The following LRP1 variants were observed in gnomAD, a reference collection of about 807,000 sequenced individuals.
LRP1 encodes the protein prolow-density lipoprotein receptor-related protein 1.
A neutral mutation model predicts 541.5 loss-of-function variants in LRP1; 51 were observed. That is an observed-to-expected ratio of 0.09 (90% confidence interval 0.08 to 0.12). The LOEUF is 0.12. LRP1 is among the 10% of genes least tolerant of loss of function. The pLI is 1.00. For synonymous variants in LRP1, 2,219 were observed against 2,470.8 expected (o/e 0.90, Z 3.02); for missense variants, 3,878 against 6,376.2 (o/e 0.61, Z 13.34).
At chr12:57,144,329 T>A (rs1027849686) in intron 4 of LRP1, among the ~76,000 whole-genome samples, 7 of 152,260 alleles carry the variant, frequency 4.6e-5, no homozygotes, top group Admixed American at 6.5e-5. Context: ...TATGTAAAGA[T>A]CTACATCATT....
intron 20 of LRP1, among the ~76,000 whole-genome samples, chr12:57,172,113 A>C (rs1382705011): frequency 7.0e-6 from 1 of 143,452 alleles, no homozygotes; most frequent in African/African-American, 2.6e-5. Flanking sequence ...AGGCTGGAGT[A>C]CAGTGGCGTG....
Position 57,187,418 on chromosome 12 carries a change from T to C in LRP1, c.6993T>C (p.Asp2331=). The change falls in exon 42 of 89, where the codon GAT becomes GAC. Residue 2331 remains aspartate, a synonymous_variant. Coordinates refer to ENST00000243077, the MANE Select transcript of LRP1 (RefSeq NM_002332.3). ...ERETVITMSG[D]DHPRAFVLDE... is the part of the protein sequence containing the mutation. ...AGACCGTCATCACTATGTCTGGAGA[T>C]GACCACCCACGGGCCTTCGTTTTGG... The C allele has an allele frequency of 6.2e-7, 1 of 1,614,048 alleles. No individual in the cohort carries two copies. Among genetic ancestry groups the C allele is most frequent in the Non-Finnish European group, 8.5e-7 (1 of 1,179,978 alleles).
Position 57,173,670 on chromosome 12 carries a change from C to G in LRP1, c.3347-110C>G. On this transcript the variant is annotated intron_variant, in intron 21 of 88. Coordinates refer to ENST00000243077, the MANE Select transcript of LRP1 (RefSeq NM_002332.3). This position sits in a 1 kb window ranked among gnomAD's most constrained non-coding sequence, Gnocchi z 4.7. ...AAGCCTCGGGGTTCCTCGTGGACCC[C>G]ACAGCGTTGCAATCCTGACCCTATT... 8.5e-7 allele frequency: 1 copy of G among 1,181,618 alleles called. No homozygotes were observed. The highest frequency in any genetic ancestry group is 1.2e-6 in the Non-Finnish European group (1 of 803,394). 73.2% of individuals were successfully genotyped at this position (1,181,618 alleles called of 1,614,324 possible).
intron 17 of LRP1, 99 bp downstream of exon 17, chr12:57,166,308 A>T (rs1330034886): frequency 6.9e-7 from 1 of 1,440,946 alleles, no homozygotes; most frequent in South Asian, 1.4e-5. Flanking sequence ...TAATCTCAGC[A>T]CTTTGGGAGG....
Position 57,156,971 on chromosome 12 carries a change from T to G in LRP1, c.1561+51T>G, listed in dbSNP as rs1346613902. 1.3e-6 allele frequency: 2 copies of G among 1,501,250 alleles called. No individual in the cohort carries two copies. The highest frequency in any genetic ancestry group is 4.6e-5 in the East Asian group (2 of 43,078). The allele number at this position is 1,501,250 out of a possible 1,614,324, so 93.0% of individuals were successfully genotyped here. A position where few individuals can be genotyped will look rare whatever the true frequency, so the allele number is the denominator to read the frequency against. ...GCCCATTGGGAGGCTGCGGGAGGGT[T>G]CCTCAGGTGTCCCCCACAGCCCGGC... On this transcript the variant is annotated intron_variant, in intron 10 of 88. Transcript: ENST00000243077. The surrounding 1 kb of genome is among the most constrained non-coding windows in gnomAD (Gnocchi z 5.2).
rs1266069297 is a variant in LRP1, at chr12:57,195,716, C to T, written c.8496C>T (p.Pro2832=). 6.2e-7 allele frequency: 1 copy of T among 1,614,190 alleles called. No individual in the cohort carries two copies. Among genetic ancestry groups the T allele is most frequent in the Non-Finnish European group, 8.5e-7 (1 of 1,180,024 alleles). The change falls in exon 53 of 89, where the codon CCC becomes CCT. Residue 2832 remains proline (P), a synonymous_variant. Transcript: ENST00000243077. ...EFMCQNRQCI[P]KHFVCDHDRD... ...TGTGCCAGAACCGCCAGTGCATCCC[C>T]AAGCACTTCGTGTGTGACCACGACC...
chr12:57,160,298 G>C (rs1239850818), intron 12 of LRP1, among the ~76,000 whole-genome samples: 1 of 152,126 alleles, frequency 6.6e-6, no homozygotes, highest in African/African-American at 2.4e-5. Context: ...CACAGTGTCT[G>C]CCTGGCCCTT....
Position 57,154,699 on chromosome 12 carries a change from C to A in LRP1, c.1225C>A (p.Leu409Met), listed in dbSNP as rs1259388182. The change falls in exon 8 of 89, where the codon CTG (leucine) becomes ATG (methionine). Residue 409 changes from leucine to methionine, a missense_variant and splice_region_variant. This residue lies in a region of LRP1 where 496 missense variants were observed against 861.0 expected (regional missense o/e 0.58). Transcript: ENST00000243077. This position sits in a 1 kb window ranked among gnomAD's most constrained non-coding sequence, Gnocchi z 4.6. ...CCGCCAGACCATCATCCAGGGCATC[C>A]TGGTGAGGGAGCTACTGTCTGAGGT... Reference protein sequence around the residue: ...KGRQTIIQGILIEHLYGLTVF... With the variant: ...KGRQTIIQGIMIEHLYGLTVF... The A allele has an allele frequency of 1.3e-6, 2 of 1,556,736 alleles. No homozygotes were observed. Among genetic ancestry groups the A allele is most frequent in the East Asian group, 2.4e-5 (1 of 41,244 alleles).
At position 57,191,398 on chromosome 12, in the gene LRP1, C is replaced by T; in HGVS notation, c.7315C>T (p.Arg2439Trp). 2 of 1,613,280 alleles carry T rather than the reference C, an allele frequency of 1.2e-6. No individual in the cohort carries two copies. Among genetic ancestry groups the T allele is most frequent in the Non-Finnish European group, 1.7e-6 (2 of 1,179,442 alleles). ...GCACATTTTCTGGACTGACTGGGTGCGGCGGGCAGTGCAGCGGGCCAACAA... is the reference window on the plus strand; with the variant it reads ...GCACATTTTCTGGACTGACTGGGTGTGGCGGGCAGTGCAGCGGGCCAACAA... ...GEHIFWTDWV[R>W]RAVQRANKHV... Residue 2439 changes from arginine to tryptophan, a missense_variant, in exon 44 of 89, where the codon CGG becomes TGG. By Grantham distance (101) the Arg-to-Trp change is moderately radical. This residue lies in a region of LRP1 where 1,100 missense variants were observed against 1,827.4 expected (regional missense o/e 0.60). Transcript: ENST00000243077.
At chr12:57,132,502 C>T (rs1172072735) in intron 1 of LRP1, among the ~76,000 whole-genome samples, 1 of 152,164 alleles carries the variant, frequency 6.6e-6, no homozygotes, top group Non-Finnish European at 1.5e-5. Flanking sequence ...GATCTTGCTC[C>T]CACCCTACTC....
rs1317804159 is a variant in LRP1 at position 57,206,070 on chromosome 12, C to A, written c.11590+393C>A. On this transcript the variant is annotated intron_variant, in intron 75 of 88. Transcript: ENST00000243077. The surrounding 1 kb of genome is among the most constrained non-coding windows in gnomAD (Gnocchi z 4.7). ...TTCACACACACCCCTGGCACACACA[C>A]CCCCACCATGCACTCCCATGCACAC... Among the ~76,000 whole-genome samples the A allele has an allele frequency of 2.0e-5, 3 of 152,202 alleles. No homozygotes were observed. The highest frequency in any genetic ancestry group is 4.4e-5 in the Non-Finnish European group (3 of 68,022).
Position 57,187,291 on chromosome 12 carries a change from C to T in LRP1, c.6866C>T (p.Ala2289Val). The change falls in exon 42 of 89, where the codon GCC becomes GTC. Residue 2289 changes from alanine to valine, a missense_variant. This residue lies in a region of LRP1 where 1,100 missense variants were observed against 1,827.4 expected (regional missense o/e 0.60). Transcript: ENST00000243077. ...VENVGSVEGL[A>V]YHRGWDTLYW... The stretch of plus-strand genomic sequence containing the variant: ...GACGTGGGCTCCGTGGAAGGCCTGG[C>T]CTATCACCGTGGCTGGGACACTCTC... 1.2e-6 allele frequency: 2 copies of T among 1,613,818 alleles called. No individual in the cohort carries two copies. The highest frequency in any genetic ancestry group is 1.7e-6 in the Non-Finnish European group (2 of 1,179,816).
At chr12:57,209,541 C>T in intron 79 of LRP1, 151 bp from the exon 80 acceptor site, 1 of 663,840 alleles carries the variant, frequency 1.5e-6, no homozygotes, top group Non-Finnish European at 2.6e-6. Flanking sequence ...CAGTAGTGGC[C>T]ACAGGAGGAG....
In LRP1 at chr12:57,162,971, G is replaced by A. The variant is rs751695030; in HGVS notation, c.2518G>A (p.Val840Ile). 1.2e-6 allele frequency: 2 copies of A among 1,602,630 alleles called. No individual in the cohort carries two copies. The highest frequency in any genetic ancestry group is 1.1e-5 in the South Asian group (1 of 89,522). ...GGACCAGGTGTTGGACGCAGACGGCGTCACTTGCTTGGGTATGAGGTGCCT... is the reference window on the plus strand; with the variant it reads ...GGACCAGGTGTTGGACGCAGACGGCATCACTTGCTTGGGTATGAGGTGCCT... The part of the protein sequence containing the change: ...AEDQVLDADG[V>I]TCLANPSYVP... Residue 840 changes from valine (V) to isoleucine (I), a missense_variant, in exon 15 of 89, where the codon GTC becomes ATC. By Grantham distance (29) the Val-to-Ile change is conservative. Transcript: ENST00000243077. The surrounding 1 kb of genome is among the most constrained non-coding windows in gnomAD (Gnocchi z 5.2).
chr12:57,210,473 C>A lies in LRP1; in HGVS notation c.12747C>A (p.Ser4249=). 6.6e-7 allele frequency: 1 copy of A among 1,526,342 alleles called. No homozygotes were observed. Among genetic ancestry groups the A allele is most frequent in the Non-Finnish European group, 8.8e-7 (1 of 1,134,452 alleles). The allele number at this position is 1,526,342 out of a possible 1,614,324, so 94.5% of individuals were successfully genotyped here. The change falls in exon 82 of 89, where the codon TCC becomes TCA. Residue 4249 remains serine (S), a synonymous_variant. Coordinates refer to ENST00000243077, the MANE Select transcript of LRP1 (RefSeq NM_002332.3). ...HCRNGGTCAA[S]PSGMPTCRCP... ...GCAATGGGGGCACCTGTGCTGCCTCCCCCTCTGGTATGCCCCCTCATCCCG... is the reference window on the plus strand; with the variant it reads ...GCAATGGGGGCACCTGTGCTGCCTCACCCTCTGGTATGCCCCCTCATCCCG...
intron 5 of LRP1, 36 bp from the exon 6 acceptor site, chr12:57,145,191 C>T (rs765211154): frequency 1.6e-5 from 26 of 1,613,586 alleles, no homozygotes; most frequent in Non-Finnish European, 1.9e-5. Context: ...GTCCTAGAGC[C>T]CTGGCTGCAC....
chr12:57,205,186 T>C lies in LRP1; in HGVS notation c.11272T>C (p.Ser3758Pro), dbSNP rs2036744890. 1 of 1,613,886 alleles carries C rather than the reference T, an allele frequency of 6.2e-7. No individual in the cohort carries two copies. Among genetic ancestry groups the C allele is most frequent in the Non-Finnish European group, 8.5e-7 (1 of 1,179,982 alleles). The change falls in exon 73 of 89, where the codon TCC (serine) becomes CCC (proline). Residue 3758 changes from serine to proline, a missense_variant. Around this residue, in one of 13 missense-constraint regions of LRP1, gnomAD observed 871 missense variants for 1,212.4 expected, o/e 0.72. Coordinates refer to ENST00000243077, the MANE Select transcript of LRP1 (RefSeq NM_002332.3). The surrounding 1 kb of genome is among the most constrained non-coding windows in gnomAD (Gnocchi z 4.6). ...LCRNQRCLSS[S>P]LRCNMFDDCG... is the part of the protein sequence containing the mutation. ...CCGGAACCAGCGCTGCCTCTCCTCC[T>C]CCCTGCGCTGCAACATGTTCGATGA...
intron 2 of LRP1, among the ~76,000 whole-genome samples, chr12:57,139,434 A>G (rs954178120): frequency 4.6e-5 from 7 of 152,074 alleles, no homozygotes; most frequent in African/African-American, 1.7e-4. Flanking sequence ...AGGGGTATTC[A>G]GCAAGTATAT....
chr12:57,208,519 C>T (rs2036836730), intron 77 of LRP1, 192 bp from the exon 78 acceptor site: 6 of 591,536 alleles, frequency 1.0e-5, no homozygotes, highest in Admixed American at 3.0e-5. Flanking sequence ...AATGAGCACA[C>T]TGTGGTTTTA....
Sources: allele counts gnomAD v4.1 joint callset (sites outside exome capture counted in the v4.1 genomes callset), GRCh38; gene constraint gnomAD v4.1.1; regional missense constraint gnomAD v4.1.1; non-coding constraint Gnocchi (gnomAD v3.1); transcripts MANE v1.5; gene names NCBI Gene and HGNC (gene_info 2026-07-23, HGNC 2026-07-21).